USP34: variants seen among roughly 807,000 people sequenced by gnomAD.
The protein encoded by USP34 is ubiquitin specific peptidase 34.
USP34 carries 70 observed loss-of-function variants against 460.3 expected under a neutral mutation model. That is an observed-to-expected ratio of 0.15 (90% CI 0.13 to 0.19). The LOEUF (loss-of-function observed/expected upper bound fraction) is 0.19, where lower values mean the gene tolerates loss of function less well. Among genes scored for constraint, USP34 ranks in the 10% least tolerant of loss-of-function variants. The pLI is 1.00. For missense variants in USP34, 3,985 were observed against 4,236.2 expected (o/e 0.94, Z 1.65); for synonymous variants, 1,647 against 1,405.3 (o/e 1.17, Z -3.85).
intron 12 of USP34, 136 bp from the exon 13 acceptor site, chr2:61,349,421 C>T: frequency 1.3e-6 from 1 of 787,092 alleles, no homozygotes; most frequent in Non-Finnish European, 2.0e-6. Context: ...GTCCCCACCA[C>T]CTACAGTAGT....
chr2:61,200,009 C>T (rs1228815756), intron 75 of USP34: 1 of 152,390 alleles, frequency 6.6e-6, no homozygotes, highest in Non-Finnish European at 1.5e-5. Context: ...GCCAGTCCCT[C>T]TTACCATTGC....
chr2:61,414,273 TAAAA>T (rs33955394), intron 2 of USP34, among the ~76,000 whole-genome samples: 1 of 147,790 alleles, frequency 6.8e-6, no homozygotes, highest in Non-Finnish European at 1.5e-5. Flanking sequence ...TAAATAACTT[TAAAA>T]AAAAAAAGAG....
At chr2:61,454,958 T>C (rs1467186748) in intron 1 of USP34, among the ~76,000 whole-genome samples, 2 of 147,414 alleles carry the variant, frequency 1.4e-5, no homozygotes, top group Non-Finnish European at 3.0e-5. Flanking sequence ...CTTGGCTCAC[T>C]GCAACCTCCA....
intron 8 of USP34, among the ~76,000 whole-genome samples, chr2:61,374,159 G>GGAAAA (rs1278630394): frequency 8.5e-6 from 1 of 117,702 alleles, no homozygotes; most frequent in Non-Finnish European, 1.8e-5. Flanking sequence ...CCATCTCAGG[G>GGAAAA]AAAAAAAAAA....
chr2:61,386,666 T>C (rs1693155368), intron 5 of USP34, among the ~76,000 whole-genome samples: 1 of 152,090 alleles, frequency 6.6e-6, no homozygotes, highest in African/African-American at 2.4e-5. Flanking sequence ...GGCAAGTGCC[T>C]GCAGTCTCGG....
intron 15 of USP34, chr2:61,346,241 G>A (rs1691763388): frequency 6.6e-6 from 1 of 151,894 alleles, no homozygotes; most frequent in Non-Finnish European, 1.5e-5. Flanking sequence ...GTCTAGGCTG[G>A]GTATAAGTAG....
chr2:61,434,489 C>T (rs1473474965), intron 1 of USP34, among the ~76,000 whole-genome samples: 2 of 152,190 alleles, frequency 1.3e-5, no homozygotes, highest in Non-Finnish European at 2.9e-5. Flanking sequence ...TGGCTTCAAC[C>T]CCAGCAAGCC....
At chr2:61,215,463 G>C (rs1392844449) in intron 67 of USP34, among the ~76,000 whole-genome samples, 1 of 152,212 alleles carries the variant, frequency 6.6e-6, no homozygotes, top group East Asian at 1.9e-4. Flanking sequence ...AAAGAACTTG[G>C]TGTTAAACTT....
At chr2:61,470,589 A>C in intron 1 of USP34, 61 bp downstream of exon 1, 8 of 1,214,272 alleles carry the variant, frequency 6.6e-6, no homozygotes, top group Non-Finnish European at 4.8e-6. Context: ...CGGGGAGGCC[A>C]GAGAGCTGCG....
At chr2:61,319,401 T>C (rs1170774852) in intron 21 of USP34, 74 bp from the exon 22 acceptor site, 1 of 1,135,078 alleles carries the variant, frequency 8.8e-7, no homozygotes, top group Non-Finnish European at 1.2e-6. Context: ...GGCATGTGTA[T>C]GTACAGTAAG....
At chr2:61,380,771 C>G (rs978397545) in intron 6 of USP34, among the ~76,000 whole-genome samples, 2 of 152,184 alleles carry the variant, frequency 1.3e-5, no homozygotes, top group African/African-American at 4.8e-5. Flanking sequence ...TTTGAGCTTG[C>G]CTTCTCTTGC....
At chr2:61,217,518 A>T (rs1039055808) in intron 67 of USP34, among the ~76,000 whole-genome samples, 2 of 152,252 alleles carry the variant, frequency 1.3e-5, no homozygotes, top group Admixed American at 6.5e-5. Context: ...ATTACTACAT[A>T]GTCTTCACTA....
chr2:61,277,960 G>T, intron 41 of USP34: 1 of 575,668 alleles, frequency 1.7e-6, no homozygotes, highest in South Asian at 2.7e-5. Context: ...GACTTGCTCG[G>T]ACTTGCCCGG....
intron 22 of USP34, 129 bp downstream of exon 22, chr2:61,319,041 ACTG>A: frequency 6.2e-6 from 5 of 809,922 alleles, no homozygotes; most frequent in Non-Finnish European, 9.1e-6. Context: ...TTATATTAGG[ACTG>A]CTAAAATTCA....
chr2:61,195,579 G>A (rs941599593), intron 75 of USP34, among the ~76,000 whole-genome samples: 6 of 151,904 alleles, frequency 3.9e-5, no homozygotes, highest in Non-Finnish European at 8.8e-5. Flanking sequence ...GGCTGAGGCA[G>A]GAGAATCACT....
At chr2:61,429,795 C>T (rs972036498) in intron 1 of USP34, among the ~76,000 whole-genome samples, 2 of 152,210 alleles carry the variant, frequency 1.3e-5, no homozygotes, top group Non-Finnish European at 2.9e-5. Flanking sequence ...GACACAGTGG[C>T]TCCTGCCTAT....
intron 75 of USP34, among the ~76,000 whole-genome samples, chr2:61,193,717 C>T (rs1438337139): frequency 6.6e-6 from 1 of 152,122 alleles, no homozygotes; most frequent in Non-Finnish European, 1.5e-5. Flanking sequence ...CCTAGGGTCC[C>T]CAGGGCAAGT....
At chr2:61,393,429 TA>T (rs33954205) in intron 5 of USP34, among the ~76,000 whole-genome samples, 19,303 of 129,704 alleles carry the variant, frequency 0.15, 1,458 homozygotes, top group South Asian at 0.36. Context: ...AGACTCCGTC[TA>T]AAAAAAAAAA....
At chr2:61,193,252 A>G (rs1686692666) in intron 75 of USP34, 1 of 233,944 alleles carries the variant, frequency 4.3e-6, no homozygotes, top group Non-Finnish European at 8.2e-6. Context: ...TTTATCTGGG[A>G]AAAGAAAAAG....
Sources: allele counts gnomAD v4.1 joint callset (sites outside exome capture counted in the v4.1 genomes callset), GRCh38; gene constraint gnomAD v4.1.1; transcripts MANE v1.5; gene names NCBI Gene and HGNC (gene_info 2026-07-23, HGNC 2026-07-21).